Variants in GDA observed in about 807,000 individuals in gnomAD.
The protein encoded by GDA is cytoplasmic PSD-95 interactor.
In GDA, 18 loss-of-function variants were observed where a neutral mutation model predicts 59.6. That is an observed-to-expected ratio of 0.30 (90% CI 0.21 to 0.45). The LOEUF is 0.45. GDA is among the 20% of genes least tolerant of loss of function. The pLI is 1.00. For missense variants in GDA, 427 were observed against 552.3 expected (o/e 0.77, Z 2.27); for synonymous variants, 201 against 201.1 (o/e 1.00, Z 0.00).
At chr9:72,243,379 T>G (rs1435291223) in intron 11 of GDA, among the ~76,000 whole-genome samples, 2 of 152,218 alleles carry the variant, frequency 1.3e-5, no homozygotes, top group Non-Finnish European at 2.9e-5. Context: ...CCATCAAACT[T>G]GCCTAAACCC....
chr9:72,146,680 C>A (rs540232841), upstream of GDA, among the ~76,000 whole-genome samples: 2 of 152,102 alleles, frequency 1.3e-5, no homozygotes, highest in Non-Finnish European at 2.9e-5. Flanking sequence ...TTGGTAGAGA[C>A]GGGGTTTCAC....
intron 10 of GDA, among the ~76,000 whole-genome samples, chr9:72,235,706 C>G (rs1329125616): frequency 2.0e-5 from 3 of 149,904 alleles, no homozygotes; most frequent in East Asian, 3.9e-4. Flanking sequence ...AAAAAAAATT[C>G]CTTGTCTCAG....
chr9:72,220,548 C>T (rs1311480723), intron 6 of GDA, among the ~76,000 whole-genome samples: 2 of 152,136 alleles, frequency 1.3e-5, no homozygotes, highest in African/African-American at 2.4e-5. Flanking sequence ...ATCTCAGTCA[C>T]TGCTCAGGTT....
intron 4 of GDA, among the ~76,000 whole-genome samples, chr9:72,212,392 G>A (rs1835495707): frequency 6.6e-6 from 1 of 151,888 alleles, no homozygotes; most frequent in Non-Finnish European, 1.5e-5. Flanking sequence ...TGAGGCAGGA[G>A]AATGACGTGA....
chr9:72,209,993 G>A (rs1402644129), intron 3 of GDA, among the ~76,000 whole-genome samples: 1 of 152,076 alleles, frequency 6.6e-6, no homozygotes, highest in Non-Finnish European at 1.5e-5. Context: ...TCTATAAAGA[G>A]TAAATCTCTC....
chr9:72,121,852 G>A (rs552037561), intron 1 of GDA, among the ~76,000 whole-genome samples: 3 of 152,286 alleles, frequency 2.0e-5, no homozygotes, highest in African/African-American at 7.2e-5. Context: ...TAACGTCAAA[G>A]AATCTGAGTC....
chr9:72,186,051 C>T (rs192606771), intron 1 of GDA, among the ~76,000 whole-genome samples: 4 of 152,134 alleles, frequency 2.6e-5, no homozygotes, highest in Admixed American at 2.6e-4. Flanking sequence ...TAGAGTGTGG[C>T]CTGTGAAGGG....
intron 2 of GDA, chr9:72,197,337 T>A (rs1354119949): frequency 6.6e-6 from 1 of 152,294 alleles, no homozygotes; most frequent in Non-Finnish European, 1.5e-5. Flanking sequence ...GCGCTGGGCA[T>A]GGAAATGAAT....
intron 2 of GDA, among the ~76,000 whole-genome samples, chr9:72,197,890 G>C (rs1357479530): frequency 6.6e-6 from 1 of 152,046 alleles, no homozygotes; most frequent in Non-Finnish European, 1.5e-5. Context: ...TGGATTTTTA[G>C]AAAAGGGAAA....
chr9:72,219,209 C>A (rs1481661122), intron 5 of GDA, among the ~76,000 whole-genome samples: 1 of 152,014 alleles, frequency 6.6e-6, no homozygotes, highest in Non-Finnish European at 1.5e-5. Context: ...TCAAGACCAT[C>A]CTGGCTAACA....
Position 72,214,007 on chromosome 9 carries a change from G to T in GDA, c.578+16G>T, listed in dbSNP as rs774026544. The T allele has an allele frequency of 1.5e-6, 2 of 1,296,710 alleles. No individual in the cohort carries two copies. Among genetic ancestry groups the T allele is most frequent in the South Asian group, 2.4e-5 (2 of 84,448 alleles). 80.3% of individuals were successfully genotyped at this position (1,296,710 alleles called of 1,614,324 possible). On this transcript the variant is annotated intron_variant, in intron 5 of 13. Transcript: ENST00000358399. The stretch of plus-strand genomic sequence containing the variant: ...AAACTGAGAGGTAAAAGGCCCATTT[G>T]TCTTGATTTGTCTTACAGGTGAATT...
chr9:72,246,186 CGCCCA>C (rs1840118451), intron 12 of GDA, among the ~76,000 whole-genome samples: 1 of 152,154 alleles, frequency 6.6e-6, no homozygotes, highest in Non-Finnish European at 1.5e-5. Flanking sequence ...TTGCTCTTGT[CGCCCA>C]GGCTGGAGTG....
upstream of GDA, among the ~76,000 whole-genome samples, chr9:72,148,580 G>A (rs117135955): frequency 0.018 from 2,798 of 152,242 alleles, 33 homozygotes; most frequent in Non-Finnish European, 0.029. Context: ...GGGGCAGAAG[G>A]AACAGCACGT....
intron 8 of GDA, 71 bp from the exon 9 acceptor site, chr9:72,227,872 T>C: frequency 1.3e-6 from 1 of 796,498 alleles, no homozygotes; most frequent in Non-Finnish European, 2.2e-6. Flanking sequence ...CTCTCTAAAA[T>C]ACCTTGTGAG....
chr9:72,156,958 C>T (rs966524706), intron 1 of GDA, among the ~76,000 whole-genome samples: 1 of 151,828 alleles, frequency 6.6e-6, no homozygotes, highest in African/African-American at 2.4e-5. Context: ...AGACACCATC[C>T]CATTTTCTAA....
rs189912088 is a variant in GDA, at chr9:72,221,170, C to T, written c.606+1664C>T. Among the ~76,000 whole-genome samples the T allele has an allele frequency of 4.7e-3, 710 of 152,288 alleles. 3 individuals carry two copies. The highest frequency in any genetic ancestry group is 7.7e-3 in the Admixed American group (118 of 15,306). Reference sequence around the variant, plus strand: ...GAGCCAATCCTACAACTGAATAGTGCTCAGGAAGGCTGTAACCAGCACACC... The same window carrying T: ...GAGCCAATCCTACAACTGAATAGTGTTCAGGAAGGCTGTAACCAGCACACC... On this transcript the variant is annotated intron_variant, in intron 6 of 13. Coordinates refer to ENST00000358399, the MANE Select transcript of GDA (RefSeq NM_004293.5).
chr9:72,203,629 T>C (rs1010676564), intron 3 of GDA, among the ~76,000 whole-genome samples: 1 of 152,202 alleles, frequency 6.6e-6, no homozygotes, highest in African/African-American at 2.4e-5. Flanking sequence ...CATTATGTCC[T>C]GGTGTTCAGC....
intron 1 of GDA, among the ~76,000 whole-genome samples, chr9:72,117,894 G>C (rs770036254): frequency 1.3e-5 from 2 of 152,158 alleles, no homozygotes; most frequent in Non-Finnish European, 2.9e-5. Context: ...CAGCTACTCC[G>C]GGATAATTCT....
At chr9:72,130,705 T>G (rs1564149277) in intron 1 of GDA, among the ~76,000 whole-genome samples, 1 of 152,168 alleles carries the variant, frequency 6.6e-6, no homozygotes, top group Non-Finnish European at 1.5e-5. Flanking sequence ...AGGCAACCAA[T>G]CCAGTCTAAG....
Sources: allele counts gnomAD v4.1 joint callset (sites outside exome capture counted in the v4.1 genomes callset), GRCh38; gene constraint gnomAD v4.1.1; transcripts MANE v1.5; gene names NCBI Gene and HGNC (gene_info 2026-07-23, HGNC 2026-07-21).